The following SLC4A10 variants were observed in gnomAD, a reference collection of about 807,000 sequenced individuals.
SLC4A10 encodes the protein sodium-driven chloride bicarbonate exchanger.
In SLC4A10, 42 loss-of-function variants were observed where a neutral mutation model predicts 137.7. The observed-to-expected ratio is 0.30, with a 90% CI of 0.24 to 0.39. The LOEUF (loss-of-function observed/expected upper bound fraction) is 0.39. SLC4A10 is among the 10% of genes least tolerant of loss of function. SLC4A10 has a pLI of 1.00. For missense variants in SLC4A10, 925 were observed against 1,355.0 expected, an observed-to-expected ratio of 0.68 and a Z score of 4.98; for synonymous variants, 474 against 464.1, an observed-to-expected ratio of 1.02 and a Z score of -0.27.
chr2:161,832,172 C>T (rs2058474645), intron 3 of SLC4A10, among the ~76,000 whole-genome samples: 1 of 152,238 alleles, frequency 6.6e-6, no homozygotes, highest in Non-Finnish European at 1.5e-5. Context: ...TGTGCAGCAT[C>T]TCCTGGCCCT....
intron 15 of SLC4A10, among the ~76,000 whole-genome samples, chr2:161,907,603 A>G (rs1408743906): frequency 1.3e-5 from 2 of 152,208 alleles, no homozygotes; most frequent in East Asian, 1.9e-4. Context: ...ATAGCAGCAC[A>G]TCAGGAGAGC....
intron 10 of SLC4A10, among the ~76,000 whole-genome samples, chr2:161,884,113 C>CTGAGAAAACACTCACAGTAT (rs1559457363): frequency 3.3e-5 from 5 of 152,092 alleles, no homozygotes; most frequent in African/African-American, 1.2e-4. Context: ...AGAACTCTCT[C>CTGAGAAAACACTCACAGTAT]TGAGAAAACA....
chr2:161,809,818 C>T (rs867949611), intron 3 of SLC4A10, among the ~76,000 whole-genome samples: 11 of 152,066 alleles, frequency 7.2e-5, no homozygotes, highest in African/African-American at 2.2e-4. Context: ...TATGATGCCT[C>T]TGACTTTGTT....
At chr2:161,878,476 C>T (rs577058867) in intron 8 of SLC4A10, among the ~76,000 whole-genome samples, 9 of 152,084 alleles carry the variant, frequency 5.9e-5, no homozygotes, top group African/African-American at 9.7e-5. Flanking sequence ...ACATTCATTT[C>T]GATCACAAAC....
chr2:161,688,665 G>A (rs2041678698), intron 1 of SLC4A10, among the ~76,000 whole-genome samples: 1 of 152,084 alleles, frequency 6.6e-6, no homozygotes, highest in South Asian at 2.1e-4. Context: ...GTGCCTTTAT[G>A]TCCTTTCTTT....
intron 26 of SLC4A10, among the ~76,000 whole-genome samples, chr2:161,979,189 C>A (rs1438524140): frequency 6.6e-6 from 1 of 152,190 alleles, no homozygotes; most frequent in Admixed American, 6.5e-5. Flanking sequence ...AAAGTCCAAA[C>A]TTTTCCTCTA....
intron 5 of SLC4A10, among the ~76,000 whole-genome samples, chr2:161,856,708 G>A (rs1312676810): frequency 6.6e-6 from 1 of 152,030 alleles, no homozygotes; most frequent in African/African-American, 2.4e-5. Flanking sequence ...TTTTAATTAG[G>A]AATGAAACAG....
At chr2:161,665,008 C>A (rs193031015) in intron 1 of SLC4A10, among the ~76,000 whole-genome samples, 1 of 151,588 alleles carries the variant, frequency 6.6e-6, no homozygotes, top group Non-Finnish European at 1.5e-5. Context: ...ATAGAAAAAT[C>A]TTGTACAACA....
At chr2:161,718,709 T>C (rs2045246978) in intron 1 of SLC4A10, among the ~76,000 whole-genome samples, 1 of 152,190 alleles carries the variant, frequency 6.6e-6, no homozygotes, top group African/African-American at 2.4e-5. Flanking sequence ...AGTGTTTTAC[T>C]TCCACTTATG....
chr2:161,940,284 A>G (rs1455383938), intron 15 of SLC4A10, among the ~76,000 whole-genome samples: 1 of 152,166 alleles, frequency 6.6e-6, no homozygotes, highest in Admixed American at 6.6e-5. Flanking sequence ...CAAGAGGAGA[A>G]GACCAACAGC....
chr2:161,814,760 C>T (rs933436007), intron 3 of SLC4A10, among the ~76,000 whole-genome samples: 2 of 151,962 alleles, frequency 1.3e-5, no homozygotes, highest in African/African-American at 4.8e-5. Context: ...ACACTGGAAA[C>T]CACCAGAGAG....
chr2:161,846,942 T>C (rs891366510), intron 4 of SLC4A10, among the ~76,000 whole-genome samples: 12 of 151,892 alleles, frequency 7.9e-5, no homozygotes, highest in Non-Finnish European at 1.6e-4. Flanking sequence ...TAAAAATGCA[T>C]AGAATGGAGG....
intron 19 of SLC4A10, among the ~76,000 whole-genome samples, chr2:161,956,024 T>C (rs929333052): frequency 1.3e-5 from 2 of 152,222 alleles, no homozygotes; most frequent in Non-Finnish European, 2.9e-5. Flanking sequence ...TGAGAAATTA[T>C]ATAAGTTATC....
chr2:161,973,814 G>A (rs915124427), intron 23 of SLC4A10, among the ~76,000 whole-genome samples: 2 of 152,096 alleles, frequency 1.3e-5, no homozygotes, highest in Non-Finnish European at 2.9e-5. Flanking sequence ...GCCCATCAGG[G>A]GATTCCGATG....
intron 1 of SLC4A10, among the ~76,000 whole-genome samples, chr2:161,767,137 ATATGTG>A (rs1406236018): frequency 6.4e-4 from 55 of 85,908 alleles, no homozygotes; most frequent in Admixed American, 1.5e-3. Flanking sequence ...ATATATATAT[ATATGTG>A]TGTGTGTGTG....
chr2:161,821,235 ATT>A (rs571285058), intron 3 of SLC4A10, among the ~76,000 whole-genome samples: 1 of 152,102 alleles, frequency 6.6e-6, no homozygotes, highest in Non-Finnish European at 1.5e-5. Flanking sequence ...TCATAATGGT[ATT>A]TTTTTGATGT....
intron 2 of SLC4A10, among the ~76,000 whole-genome samples, chr2:161,782,512 A>G (rs2053152809): frequency 6.6e-6 from 1 of 151,830 alleles, no homozygotes; most frequent in Non-Finnish European, 1.5e-5. Context: ...AAAAATCTCC[A>G]GAAATTGACT....
At chr2:161,739,376 A>G (rs766179837) in intron 1 of SLC4A10, among the ~76,000 whole-genome samples, 39 of 152,050 alleles carry the variant, frequency 2.6e-4, no homozygotes, top group Non-Finnish European at 5.3e-4. Flanking sequence ...CCAATGTTTT[A>G]ATTTCCCATT....
intron 1 of SLC4A10, among the ~76,000 whole-genome samples, chr2:161,696,992 G>T (rs928392563): frequency 2.6e-5 from 4 of 151,968 alleles, no homozygotes; most frequent in Non-Finnish European, 4.4e-5. Flanking sequence ...TTTAATGATC[G>T]CCATTCTAAC....
Sources: allele counts gnomAD v4.1 joint callset (sites outside exome capture counted in the v4.1 genomes callset), GRCh38; gene constraint gnomAD v4.1.1; transcripts MANE v1.5; gene names NCBI Gene and HGNC (gene_info 2026-07-23, HGNC 2026-07-21).